Variants in XPR1 observed in about 807,000 individuals in gnomAD.
The protein encoded by XPR1 is solute carrier family 53 member 1.
XPR1 carries 28 observed loss-of-function variants against 87.5 expected under a neutral mutation model. The ratio of observed to expected loss-of-function variants is 0.32; its 90% CI spans 0.24 to 0.44. The LOEUF is 0.44. Among genes scored for constraint, XPR1 ranks in the 20% least tolerant of loss-of-function variants. The probability of loss-of-function intolerance (pLI) is 1.00; values close to 1 mark genes in which losing one functional copy is unlikely to be tolerated. For synonymous variants in XPR1, 300 were observed against 306.1 expected, an observed-to-expected ratio of 0.98 and a Z score of 0.21; for missense variants, 559 against 862.3, an observed-to-expected ratio of 0.65 and a Z score of 4.41.
At chr1:180,790,183 A>G (rs1037418902) in intron 3 of XPR1, among the ~76,000 whole-genome samples, 1 of 152,058 alleles carries the variant, frequency 6.6e-6, no homozygotes, top group Admixed American at 6.6e-5. Context: ...ATTTTCCTCC[A>G]ATCTTTGTAG....
chr1:180,667,064 T>G (rs1205807593), intron 1 of XPR1, among the ~76,000 whole-genome samples: 1 of 152,098 alleles, frequency 6.6e-6, no homozygotes, highest in African/African-American at 2.4e-5. Context: ...TACAGGTGCA[T>G]GCCACACTTG....
At chr1:180,850,453 T>G (rs1303613287) in intron 11 of XPR1, among the ~76,000 whole-genome samples, 1 of 152,240 alleles carries the variant, frequency 6.6e-6, no homozygotes, top group Non-Finnish European at 1.5e-5. Flanking sequence ...ATCTTTGTGA[T>G]CTGCATTTAT....
chr1:180,817,176 T>C (rs1006571473), intron 7 of XPR1, among the ~76,000 whole-genome samples: 2 of 152,202 alleles, frequency 1.3e-5, no homozygotes, highest in Non-Finnish European at 2.9e-5. Context: ...TATATTGTTA[T>C]ACAGTATGTC....
chr1:180,813,160 T>G (rs1650286384), intron 7 of XPR1, among the ~76,000 whole-genome samples: 1 of 151,306 alleles, frequency 6.6e-6, no homozygotes, highest in South Asian at 2.1e-4. Flanking sequence ...GGATCTCACC[T>G]CTGTGGGCCT....
rs2102235234 is a variant in XPR1, at chr1:180,887,677, A to G, written c.*3611A>G. 6.6e-6 allele frequency: 1 copy of G among 152,378 alleles called. No homozygotes were observed. Among genetic ancestry groups the G allele is most frequent in the East Asian group, 1.9e-4 (1 of 5,192 alleles). The allele number at this position is 152,378 out of a possible 1,614,324, so 9.4% of individuals were successfully genotyped here. A position where few individuals can be genotyped will look rare whatever the true frequency, so the allele number is the denominator to read the frequency against. ...AGAAGCAAAGGTGTGGGAGAACACC[A>G]TTCACCTCAGTAGTAACTTATAAAA... On this transcript the variant is annotated 3_prime_UTR_variant, in exon 15 of 15. Transcript: ENST00000367590.
At chr1:180,839,719 G>A (rs547388195) in intron 11 of XPR1, among the ~76,000 whole-genome samples, 57 of 152,290 alleles carry the variant, frequency 3.7e-4, no homozygotes, top group Non-Finnish European at 7.1e-4. Flanking sequence ...ACTAGGGGTT[G>A]GAGGGGGGCT....
intron 1 of XPR1, among the ~76,000 whole-genome samples, chr1:180,668,228 A>G (rs1656031465): frequency 6.7e-6 from 1 of 150,290 alleles, no homozygotes. Flanking sequence ...TTCTGGGCTC[A>G]AGTGATTCAC....
chr1:180,863,954 C>A, intron 12 of XPR1, 80 bp downstream of exon 12: 2 of 1,149,482 alleles, frequency 1.7e-6, no homozygotes, highest in Non-Finnish European at 2.3e-6. Context: ...ACAGACCCAA[C>A]CTCTAATTAT....
At chr1:180,780,685 G>A (rs533033591) in intron 2 of XPR1, among the ~76,000 whole-genome samples, 1 of 149,252 alleles carries the variant, frequency 6.7e-6, no homozygotes, top group East Asian at 1.9e-4. Flanking sequence ...GGAGAATGGC[G>A]TGAACCTGGG....
At chr1:180,661,476 CGTGTGTGTGTGTGTGTGTGTGT>C (rs60527318) in intron 1 of XPR1, among the ~76,000 whole-genome samples, 2 of 142,358 alleles carry the variant, frequency 1.4e-5, no homozygotes, top group South Asian at 2.3e-4. Flanking sequence ...TTTAATTTTT[CGTGTGTGTGTGTGTGTGTGTGT>C]GTGTGTGTGT....
intron 1 of XPR1, among the ~76,000 whole-genome samples, chr1:180,678,891 T>C (rs1490639384): frequency 6.6e-6 from 1 of 152,178 alleles, no homozygotes; most frequent in Non-Finnish European, 1.5e-5. Context: ...GGTATTTATA[T>C]GCTTGAATAT....
At chr1:180,819,318 A>AAT (rs1650527340) in intron 7 of XPR1, among the ~76,000 whole-genome samples, 1 of 152,190 alleles carries the variant, frequency 6.6e-6, no homozygotes, top group Non-Finnish European at 1.5e-5. Context: ...CATTCAGAAG[A>AAT]ATATATCTTT....
At chr1:180,671,243 G>A (rs1237349341) in intron 1 of XPR1, among the ~76,000 whole-genome samples, 1 of 152,058 alleles carries the variant, frequency 6.6e-6, no homozygotes, top group Non-Finnish European at 1.5e-5. Context: ...TAGGAGAATC[G>A]GGCTACTGCT....
At chr1:180,728,909 A>G (rs138639539) in intron 2 of XPR1, among the ~76,000 whole-genome samples, 2 of 152,294 alleles carry the variant, frequency 1.3e-5, no homozygotes, top group Non-Finnish European at 2.9e-5. Flanking sequence ...GATATGTGTC[A>G]TAGGGGTTTA....
intron 11 of XPR1, among the ~76,000 whole-genome samples, chr1:180,861,844 A>G (rs182699882): frequency 2.6e-5 from 4 of 152,200 alleles, no homozygotes; most frequent in South Asian, 2.1e-4. Flanking sequence ...TACTTCCACT[A>G]TAGCCAATTT....
intron 2 of XPR1, among the ~76,000 whole-genome samples, chr1:180,691,114 G>T (rs1656979485): frequency 6.6e-6 from 1 of 152,064 alleles, no homozygotes; most frequent in Non-Finnish European, 1.5e-5. Context: ...GATGATACAA[G>T]ATTATAATTT....
chr1:180,724,854 A>G (rs943730599), intron 2 of XPR1, among the ~76,000 whole-genome samples: 1 of 152,230 alleles, frequency 6.6e-6, no homozygotes, highest in African/African-American at 2.4e-5. Context: ...TATAAGATGT[A>G]TACATCATTG....
At chr1:180,772,591 T>C (rs750342760) in intron 2 of XPR1, among the ~76,000 whole-genome samples, 31 of 152,204 alleles carry the variant, frequency 2.0e-4, no homozygotes, top group Non-Finnish European at 3.7e-4. Context: ...CCACTTGTTA[T>C]GGAAGGGACC....
At chr1:180,649,545 CTG>C (rs1457028741) in intron 1 of XPR1, among the ~76,000 whole-genome samples, 2 of 152,216 alleles carry the variant, frequency 1.3e-5, no homozygotes, top group African/African-American at 4.8e-5. Context: ...TGTGGACAGT[CTG>C]TGATTCATGT....
Sources: gnomAD v4.1 joint callset for allele counts (sites outside exome capture counted in the v4.1 genomes callset) on GRCh38, gnomAD v4.1.1 for gene constraint, MANE v1.5 for transcripts, NCBI Gene and HGNC (gene_info 2026-07-23, HGNC 2026-07-21) for gene names.